The following SHPK variants were observed in gnomAD, a reference collection of about 807,000 sequenced individuals.
SHPK encodes sedoheptulokinase.
In SHPK, 51 loss-of-function variants were observed where a neutral mutation model predicts 46.3. The ratio of observed to expected loss-of-function variants is 1.10; its 90% CI spans 0.88 to 1.39. SHPK has a LOEUF of 1.39. Among genes scored for constraint, SHPK ranks in the 40% most tolerant of loss-of-function variants. The pLI, the probability that SHPK is intolerant of heterozygous loss-of-function variation, is 0.00. For synonymous variants in SHPK, 290 were observed against 273.9 expected (o/e 1.06, Z -0.58); for missense variants, 668 against 641.3 (o/e 1.04, Z -0.45).
At position 3,610,205 on chromosome 17, in the gene SHPK, G is replaced by A. The variant is rs895512656; in HGVS notation, c.*355C>T. ...GACCAAAGCCACCAGACTTTCTGGT[G>A]TCTGAAGTACACATTGATCTGCTCT... On this transcript the variant is annotated 3_prime_UTR_variant, in exon 7 of 7. Coordinates refer to ENST00000225519, the MANE Select transcript of SHPK (RefSeq NM_013276.4). 2 of 195,742 alleles carry A rather than the reference G, an allele frequency of 1.0e-5. No homozygotes were observed. The highest frequency in any genetic ancestry group is 2.4e-4 in the East Asian group (2 of 8,444). 12.1% of individuals were successfully genotyped at this position (195,742 alleles called of 1,614,324 possible). A position where few individuals can be genotyped will look rare whatever the true frequency, so the allele number is the denominator to read the frequency against.
At chr17:3,624,932 G>A (rs2075424686) in intron 2 of SHPK, among the ~76,000 whole-genome samples, 1 of 152,150 alleles carries the variant, frequency 6.6e-6, no homozygotes, top group Non-Finnish European at 1.5e-5. Context: ...TAGGATTACA[G>A]GCATGAGCCA....
chr17:3,630,932 C>A (rs2150875190), intron 1 of SHPK, among the ~76,000 whole-genome samples: 1 of 152,226 alleles, frequency 6.6e-6, no homozygotes. Flanking sequence ...TGTGGCTCAG[C>A]TCTCAATAAA....
At position 3,635,397 on chromosome 17, in the gene SHPK, C is replaced by G. The variant is rs945054234; in HGVS notation, c.168+655G>C. ...ACTACAGGCGCCCGCCACCACGCCC[C>G]GCTAATTTTTTGTATTTTTAGTACA... is the stretch of plus-strand genomic sequence containing the variant. On this transcript the variant is annotated intron_variant, in intron 1 of 6. Transcript: ENST00000225519. Among the ~76,000 whole-genome samples the G allele has an allele frequency of 6.1e-5, 9 of 147,500 alleles. No homozygotes were observed. In the South Asian group the frequency reaches 6.6e-4, roughly 11 times the overall value.
chr17:3,635,067 G>A (rs2075501428), intron 1 of SHPK, among the ~76,000 whole-genome samples: 1 of 151,980 alleles, frequency 6.6e-6, no homozygotes, highest in East Asian at 2.0e-4. Context: ...AGCTACTCGG[G>A]AGGCTGAAGC....
rs1420161118 is a variant in SHPK, at chr17:3,609,690, C to T, written c.*870G>A. On this transcript the variant is annotated 3_prime_UTR_variant, in exon 7 of 7. Transcript: ENST00000225519. ...AGGAGTCTGCCTGGCTGCATCCCTT[C>T]CCATGAGGGCTTCTGGAATGTGCAG... 1.3e-5 allele frequency: 2 copies of T among 152,344 alleles called. No individual in the cohort carries two copies. Among genetic ancestry groups the T allele is most frequent in the African/African-American group, 4.8e-5 (2 of 41,476 alleles). 9.4% of individuals were successfully genotyped at this position (152,344 alleles called of 1,614,324 possible).
intron 1 of SHPK, among the ~76,000 whole-genome samples, chr17:3,633,224 A>G (rs554248831): frequency 2.0e-5 from 3 of 151,110 alleles, no homozygotes; most frequent in South Asian, 4.2e-4. Flanking sequence ...CAAGTGATCC[A>G]CCCACCTCCG....
intron 5 of SHPK, among the ~76,000 whole-genome samples, chr17:3,619,088 CAT>C (rs1234110287): frequency 1.3e-5 from 2 of 151,316 alleles, no homozygotes; most frequent in Non-Finnish European, 2.9e-5. Context: ...TTTTACAAAA[CAT>C]AGTATATAAA....
rs746328621 is a variant in SHPK at position 3,621,459 on chromosome 17, G to A, written c.648-47C>T. The A allele has an allele frequency of 1.1e-4, 172 of 1,544,002 alleles. 1 individual carries two copies. The highest frequency in any genetic ancestry group is 1.4e-4 in the Non-Finnish European group (159 of 1,130,322). ...CCACATGGACCCACAGTTAGGTTTC[G>A]GGAATTTAAGGGATCCTTCCTTCCT... On this transcript the variant is annotated intron_variant, in intron 4 of 6. Coordinates refer to ENST00000225519, the MANE Select transcript of SHPK (RefSeq NM_013276.4).
intron 1 of SHPK, among the ~76,000 whole-genome samples, chr17:3,632,935 A>G (rs1447158103): frequency 3.3e-5 from 5 of 149,462 alleles, no homozygotes; most frequent in Non-Finnish European, 7.4e-5. Context: ...AGTGAAAAGT[A>G]TGAACTTGAG....
intron 4 of SHPK, chr17:3,622,671 G>T: frequency 1.3e-6 from 1 of 740,930 alleles, no homozygotes; most frequent in Non-Finnish European, 1.6e-6. Context: ...AACTTAAAAG[G>T]CATCCTTCAA....
intron 4 of SHPK, among the ~76,000 whole-genome samples, chr17:3,621,745 C>A (rs1318756296): frequency 1.3e-5 from 2 of 151,774 alleles, no homozygotes; most frequent in African/African-American, 4.8e-5. Flanking sequence ...CTCCACCTCC[C>A]AGGTTCAAGC....
At chr17:3,631,512 C>CTTTT (rs371958939) in intron 1 of SHPK, among the ~76,000 whole-genome samples, 751 of 53,040 alleles carry the variant, frequency 0.014, 253 homozygotes, top group East Asian at 0.1. Context: ...TAATTTAATG[C>CTTTT]TTTTTTTTTT....
At chr17:3,627,367 G>A (rs939487454) in intron 2 of SHPK, among the ~76,000 whole-genome samples, 7 of 152,124 alleles carry the variant, frequency 4.6e-5, no homozygotes, top group Admixed American at 1.3e-4. Context: ...CGCTCCGGGT[G>A]CCCTCACTGA....
At chr17:3,622,680 A>G (rs1036808730) in intron 4 of SHPK, 1 of 591,294 alleles carries the variant, frequency 1.7e-6, no homozygotes. Flanking sequence ...GGCATCCTTC[A>G]AGCCTACTAT....
At chr17:3,612,899 A>G (rs1046032943) in intron 6 of SHPK, among the ~76,000 whole-genome samples, 2 of 151,786 alleles carry the variant, frequency 1.3e-5, no homozygotes, top group African/African-American at 4.8e-5. Flanking sequence ...CTACAGGTGC[A>G]TGCCACCACT....
intron 2 of SHPK, among the ~76,000 whole-genome samples, chr17:3,629,562 T>C (rs1014610911): frequency 6.6e-6 from 1 of 151,894 alleles, no homozygotes; most frequent in Non-Finnish European, 1.5e-5. Context: ...ACCCCGTCTC[T>C]ACTAAAAATA....
intron 4 of SHPK, 151 bp downstream of exon 4, chr17:3,623,188 T>A (rs367264): frequency 0.81 from 653,094 of 803,732 alleles, 266,352 homozygotes; most frequent in East Asian, 0.93. Context: ...ATGCCCCGTG[T>A]CTGGGACAGG....
chr17:3,634,678 A>G (rs925926784), intron 1 of SHPK, among the ~76,000 whole-genome samples: 3 of 152,014 alleles, frequency 2.0e-5, no homozygotes, highest in Admixed American at 1.3e-4. Flanking sequence ...CACCAGGGTC[A>G]GAGCCAACTT....
rs367715886 is a variant in SHPK at position 3,621,307 on chromosome 17, C to A, written c.753G>T (p.Thr251=). 45 of 1,614,022 alleles carry A rather than the reference C, an allele frequency of 2.8e-5. 1 individual carries two copies. The South Asian group carries it at 4.4e-4, about 16-fold the overall frequency. ...SHMWFEIPKG[T]QVGVALGDLQ... is the part of the protein sequence containing the mutation. ...AATCACCCAAGGCCACTCCCACCTG[C>A]GTCCCCTTTGGGATTTCAAACCACA... is the stretch of plus-strand genomic sequence containing the variant. Residue 251 remains threonine (T), a synonymous_variant, in exon 5 of 7, where the codon ACG becomes ACT. Coordinates refer to ENST00000225519, the MANE Select transcript of SHPK (RefSeq NM_013276.4).
Sources: gnomAD v4.1 joint callset for allele counts (sites outside exome capture counted in the v4.1 genomes callset) on GRCh38, gnomAD v4.1.1 for gene constraint, MANE v1.5 for transcripts, NCBI Gene and HGNC (gene_info 2026-07-23, HGNC 2026-07-21) for gene names.